Variants in USP45 observed in about 807,000 individuals in gnomAD.
The protein encoded by USP45 is ubiquitin specific peptidase 45.
In USP45, 89 loss-of-function variants were observed where a neutral mutation model predicts 95.8. The ratio of observed to expected loss-of-function variants is 0.93; its 90% CI spans 0.78 to 1.11. The LOEUF (loss-of-function observed/expected upper bound fraction) is 1.11. Ranked by LOEUF, USP45 falls within the 50% of genes least tolerant of loss-of-function variation. The pLI is 0.00. For synonymous variants in USP45, 281 were observed against 316.2 expected, an observed-to-expected ratio of 0.89 and a Z score of 1.18; for missense variants, 898 against 942.5, an observed-to-expected ratio of 0.95 and a Z score of 0.62.
intron 8 of USP45, among the ~76,000 whole-genome samples, chr6:99,478,737 C>T (rs1322518708): frequency 6.6e-6 from 1 of 152,094 alleles, no homozygotes; most frequent in Non-Finnish European, 1.5e-5. Flanking sequence ...AAAGCCATCA[C>T]CCTAAGTGAA....
Position 99,488,270 on chromosome 6 carries a change from G to A in USP45, c.644C>T (p.Thr215Ile). 2.5e-6 allele frequency: 4 copies of A among 1,611,254 alleles called. No individual in the cohort carries two copies. The highest frequency in any genetic ancestry group is 3.4e-6 in the Non-Finnish European group (4 of 1,178,944). The change falls in exon 7 of 18, where the codon ACT (threonine) becomes ATT (isoleucine). Residue 215 changes from threonine (T) to isoleucine (I), a missense_variant. Physicochemically the swap from Thr to Ile is moderately conservative, Grantham distance 89. Coordinates refer to ENST00000500704, the MANE Select transcript of USP45 (RefSeq NM_001346022.3). ...TTCTTTGATCTCATTCATCAGATCA[G>A]TAAGAGTATAAGTCTGTGCCAAGTT... ...MQNLAQTYTL[T>I]DLMNEIKESS...
intron 5 of USP45, among the ~76,000 whole-genome samples, chr6:99,503,413 G>A (rs375247210): frequency 1.5e-4 from 23 of 151,010 alleles, no homozygotes; most frequent in African/African-American, 4.4e-4. Flanking sequence ...TGCAACCTCC[G>A]CCTCCCCTCC....
chr6:99,502,070 A>C, intron 5 of USP45: 1 of 1,250,454 alleles, frequency 8.0e-7, no homozygotes, highest in Non-Finnish European at 1.0e-6. Context: ...AGTTAAATCA[A>C]TATGGCCAAT....
chr6:99,506,369 C>T (rs1470086563), intron 4 of USP45, among the ~76,000 whole-genome samples: 1 of 152,174 alleles, frequency 6.6e-6, no homozygotes, highest in Non-Finnish European at 1.5e-5. Flanking sequence ...CTCTATCACC[C>T]AGGCTGGAGT....
In USP45 at chr6:99,491,174, G is replaced by A. The variant is rs536574589; in HGVS notation, c.479-2354C>T. 9.9e-5 allele frequency among the ~76,000 whole-genome samples: 15 copies of A among 152,240 alleles called. No individual in the cohort carries two copies. In the East Asian group the frequency reaches 2.9e-3, roughly 29 times the overall value. ...AATAAACCCCACACTAGAGCTTGGG[G>A]GCAAAGGCCAGCACAATCAATGAAG... is the stretch of plus-strand genomic sequence containing the variant. On this transcript the variant is annotated intron_variant, in intron 5 of 17. Coordinates refer to ENST00000500704, the MANE Select transcript of USP45 (RefSeq NM_001346022.3).
At chr6:99,452,081 A>ATTCTTCT (rs1315648242) in intron 13 of USP45, among the ~76,000 whole-genome samples, 3 of 152,238 alleles carry the variant, frequency 2.0e-5, no homozygotes, top group Non-Finnish European at 2.9e-5. Flanking sequence ...AAAACCCTAG[A>ATTCTTCT]AGAAAACCTA....
intron 8 of USP45, among the ~76,000 whole-genome samples, chr6:99,481,089 T>C (rs1792287764): frequency 6.6e-6 from 1 of 152,100 alleles, no homozygotes; most frequent in Non-Finnish European, 1.5e-5. Context: ...CGAGACCCTG[T>C]CTCCTAAAAA....
Position 99,437,271 on chromosome 6 carries a change from A to G in USP45, c.2289T>C (p.His763=). 6.2e-7 allele frequency: 1 copy of G among 1,609,880 alleles called. No homozygotes were observed. The highest frequency in any genetic ancestry group is 1.3e-5 in the African/African-American group (1 of 74,748). Residue 763 remains histidine, a synonymous_variant, in exon 17 of 18, where the codon CAT becomes CAC. Coordinates refer to ENST00000500704, the MANE Select transcript of USP45 (RefSeq NM_001346022.3). ...CAGGCACATTTTTCTTTTTAGTGTT[A>G]TGTTCCGATAATTTCCTGGAGGGTG... ...VRTPSRKLSE[H]NTKKKNVPGL...
intron 13 of USP45, among the ~76,000 whole-genome samples, chr6:99,457,435 G>A (rs565754236): frequency 6.6e-6 from 1 of 152,246 alleles, no homozygotes; most frequent in Admixed American, 6.5e-5. Flanking sequence ...TTCTCAAGCT[G>A]GCCGATGCTT....
At position 99,445,873 on chromosome 6, in the gene USP45, T is replaced by C; in HGVS notation, c.1899A>G (p.Leu633=). The C allele has an allele frequency of 1.2e-6, 2 of 1,612,198 alleles. No individual in the cohort carries two copies. The highest frequency in any genetic ancestry group is 8.5e-7 in the Non-Finnish European group (1 of 1,179,582). Residue 633 remains leucine, a synonymous_variant, in exon 14 of 18, where the codon CTA becomes CTG. Transcript: ENST00000500704. ...CACATAGAAGCTTATTATTCCCCAT[T>C]AGTAATTCCATAGATGTAAACTGGT... ...CLYQFTSMEL[L]MGNNKLLCEN... is the part of the protein sequence containing the mutation.
In USP45 at chr6:99,464,591, C is replaced by G. The variant is rs774045495; in HGVS notation, c.1308+13G>C. On this transcript the variant is annotated intron_variant, in intron 13 of 17. Coordinates refer to ENST00000500704, the MANE Select transcript of USP45 (RefSeq NM_001346022.3). Reference sequence around the variant, plus strand: ...TTAAAAAACAGACGTCTAACAGATGCTTATGGTCTTACCTTATCTTTAGAT... The same window carrying G: ...TTAAAAAACAGACGTCTAACAGATGGTTATGGTCTTACCTTATCTTTAGAT... The G allele has an allele frequency of 6.2e-7, 1 of 1,601,676 alleles. No individual in the cohort carries two copies. Among genetic ancestry groups the G allele is most frequent in the Non-Finnish European group, 8.5e-7 (1 of 1,176,684 alleles).
chr6:99,445,640 A>G (rs1044786158), intron 14 of USP45, among the ~76,000 whole-genome samples, 157 bp downstream of exon 14: 5 of 152,218 alleles, frequency 3.3e-5, no homozygotes, highest in Admixed American at 2.6e-4. Flanking sequence ...TGTTCTGCCC[A>G]GTATTGTAAG....
intron 14 of USP45, among the ~76,000 whole-genome samples, chr6:99,443,976 C>T (rs149805237): frequency 7.9e-5 from 12 of 151,828 alleles, no homozygotes; most frequent in Middle Eastern, 3.4e-3. Context: ...ACCAGAAGCA[C>T]GTGTAGTTGA....
intron 11 of USP45, among the ~76,000 whole-genome samples, chr6:99,465,530 T>C (rs552003270): frequency 1.7e-3 from 263 of 152,338 alleles, no homozygotes; most frequent in African/African-American, 6.2e-3. Flanking sequence ...CTGTGTTTTA[T>C]AGATTCTTTA....
chr6:99,479,115 G>A (rs1173335585), intron 8 of USP45, among the ~76,000 whole-genome samples: 1 of 151,820 alleles, frequency 6.6e-6, no homozygotes, highest in Non-Finnish European at 1.5e-5. Flanking sequence ...TTTGGGGGGT[G>A]ATGGATACAT....
intron 14 of USP45, among the ~76,000 whole-genome samples, chr6:99,444,762 C>A (rs972327413): frequency 6.6e-6 from 1 of 152,162 alleles, no homozygotes; most frequent in Non-Finnish European, 1.5e-5. Context: ...AGGCTCCTGC[C>A]CATGTTTTCC....
At position 99,507,451 on chromosome 6, in the gene USP45, AATT is replaced by A. The variant is rs1798797727; in HGVS notation, c.351_353del (p.Ile118del). ...ACCATATAATCCATGTGCTCAGATTAATTATAATACAATGGGGCTCTGTTCTGG... is the reference window on the plus strand; with the variant it reads ...ACCATATAATCCATGTGCTCAGATTAATAATACAATGGGGCTCTGTTCTGG... On this transcript the variant is annotated inframe_deletion, in exon 4 of 18. Transcript: ENST00000500704. 1.9e-6 allele frequency: 3 copies of A among 1,610,114 alleles called. No homozygotes were observed. In the Admixed American group the frequency reaches 5.0e-5, roughly 27 times the overall value.
At chr6:99,497,539 A>C (rs1219339722) in intron 5 of USP45, among the ~76,000 whole-genome samples, 1 of 152,200 alleles carries the variant, frequency 6.6e-6, no homozygotes, top group African/African-American at 2.4e-5. Context: ...CTCAAAATCG[A>C]CTAACTTCCA....
At chr6:99,467,376 T>C (rs986607361) in intron 10 of USP45, among the ~76,000 whole-genome samples, 1 of 152,142 alleles carries the variant, frequency 6.6e-6, no homozygotes, top group Admixed American at 6.5e-5. Context: ...ATTATGCTAT[T>C]CTCTCTACTT....
Sources: gnomAD v4.1 joint callset for allele counts (sites outside exome capture counted in the v4.1 genomes callset) on GRCh38, gnomAD v4.1.1 for gene constraint, MANE v1.5 for transcripts, NCBI Gene and HGNC (gene_info 2026-07-23, HGNC 2026-07-21) for gene names.